STARD9: variants seen among roughly 807,000 people sequenced by gnomAD.
STARD9 encodes StAR related lipid transfer domain containing 9, also known as stAR-related lipid transfer protein 9.
STARD9 carries 346 observed loss-of-function variants against 399.8 expected under a neutral mutation model. The observed-to-expected ratio is 0.87, with a 90% CI of 0.79 to 0.95. The LOEUF is 0.95. STARD9 is among the 40% of genes least tolerant of loss of function. STARD9 has a pLI of 0.00. For missense variants in STARD9, 5,832 were observed against 5,667.5 expected (o/e 1.03, Z -0.93); for synonymous variants, 2,203 against 2,143.5 (o/e 1.03, Z -0.77).
intron 3 of STARD9, among the ~76,000 whole-genome samples, chr15:42,595,073 C>T (rs1006597388): frequency 3.3e-5 from 5 of 152,094 alleles, no homozygotes; most frequent in African/African-American, 1.2e-4. Flanking sequence ...TCTTTTATGC[C>T]TTACTTTTCT....
At chr15:42,587,178 C>T (rs2058293621) in intron 3 of STARD9, among the ~76,000 whole-genome samples, 1 of 152,070 alleles carries the variant, frequency 6.6e-6, no homozygotes, top group Non-Finnish European at 1.5e-5. Context: ...ATAATTATGT[C>T]AAAGGAACAA....
At chr15:42,678,058 C>G (rs1481827805) in intron 20 of STARD9, among the ~76,000 whole-genome samples, 1 of 152,230 alleles carries the variant, frequency 6.6e-6, no homozygotes, top group African/African-American at 2.4e-5. Context: ...ACTGTCTCCA[C>G]TCTTGAGCAC....
chr15:42,677,270 A>C (rs1566926903), intron 20 of STARD9, among the ~76,000 whole-genome samples: 1 of 152,174 alleles, frequency 6.6e-6, no homozygotes, highest in South Asian at 2.1e-4. Flanking sequence ...TCTCAAAAAA[A>C]GAAAAACAAA....
At chr15:42,644,024 A>G (rs1452214190) in intron 7 of STARD9, among the ~76,000 whole-genome samples, 2 of 152,236 alleles carry the variant, frequency 1.3e-5, no homozygotes, top group Admixed American at 6.5e-5. Context: ...CACCTAAAAC[A>G]ACATGTATAC....
intron 5 of STARD9, 31 bp downstream of exon 5, chr15:42,637,970 A>T: frequency 6.5e-7 from 1 of 1,537,304 alleles, no homozygotes; most frequent in African/African-American, 1.4e-5. Context: ...GGATCCTCTC[A>T]AAGTAGGTCT....
chr15:42,702,232 C>T (rs1441185895), intron 26 of STARD9, among the ~76,000 whole-genome samples: 3 of 152,070 alleles, frequency 2.0e-5, no homozygotes, highest in Admixed American at 2.0e-4. Context: ...TAGTCAGAGT[C>T]TTGCTCTGTC....
chr15:42,661,120 C>A (rs773091357), intron 9 of STARD9, 38 bp from the exon 10 acceptor site: 2 of 1,434,454 alleles, frequency 1.4e-6, no homozygotes, highest in East Asian at 2.5e-5. Flanking sequence ...CAATACAAAT[C>A]GTTCCAAATG....
intron 3 of STARD9, among the ~76,000 whole-genome samples, chr15:42,596,073 C>A (rs1268678007): frequency 2.0e-5 from 3 of 152,190 alleles, no homozygotes; most frequent in East Asian, 1.9e-4. Flanking sequence ...CTAGAGAAAT[C>A]TTTTAAAATG....
At chr15:42,662,201 A>G (rs1040961981) in intron 10 of STARD9, among the ~76,000 whole-genome samples, 5 of 152,224 alleles carry the variant, frequency 3.3e-5, no homozygotes, top group African/African-American at 1.2e-4. Context: ...GGGAGCATGA[A>G]TTATAGTTAC....
chr15:42,706,888 CATCT>C (rs1453949506), intron 26 of STARD9, among the ~76,000 whole-genome samples: 1 of 152,044 alleles, frequency 6.6e-6, no homozygotes, highest in Non-Finnish European at 1.5e-5. Context: ...TTCATCCATC[CATCT>C]ATCTATTTTG....
At chr15:42,622,244 G>A (rs2059107243) in intron 3 of STARD9, among the ~76,000 whole-genome samples, 1 of 152,104 alleles carries the variant, frequency 6.6e-6, no homozygotes, top group African/African-American at 2.4e-5. Flanking sequence ...CTGCACTCCA[G>A]CCTGGGAGAC....
chr15:42,697,690 A>G (rs2060873831), intron 26 of STARD9, among the ~76,000 whole-genome samples: 1 of 152,208 alleles, frequency 6.6e-6, no homozygotes, highest in Admixed American at 6.5e-5. Flanking sequence ...TTAAAACACT[A>G]TATGAAATTA....
Position 42,691,240 on chromosome 15 carries a change from G to A in STARD9, c.9662G>A (p.Gly3221Asp). 6.5e-7 allele frequency: 1 copy of A among 1,537,286 alleles called. No homozygotes were observed. The change falls in exon 23 of 33, where the codon GGT (glycine) becomes GAT (aspartate). Residue 3221 changes from glycine (G) to aspartate (D), a missense_variant. This residue lies in a region of STARD9 where 5,828 missense variants were observed against 5,651.1 expected (regional missense o/e 1.03). Coordinates refer to ENST00000290607, the MANE Select transcript of STARD9 (RefSeq NM_020759.3). ...GAGCAGCACAGAGACCAGGCTTCAG[G>A]TGGTGGAGAAGGCTTCGCCCAGGGT... ...EEEQHRDQAS[G>D]GGEGFAQGVN...
intron 3 of STARD9, among the ~76,000 whole-genome samples, chr15:42,625,258 C>G (rs955638528): frequency 1.3e-5 from 2 of 151,670 alleles, no homozygotes; most frequent in African/African-American, 4.8e-5. Context: ...TATTTCTGAT[C>G]TCAAGTGGTC....
intron 30 of STARD9, 47 bp downstream of exon 30, chr15:42,718,226 G>A (rs544112626): frequency 1.3e-6 from 2 of 1,500,024 alleles, no homozygotes; most frequent in Non-Finnish European, 1.8e-6. Context: ...TTTCTGGTGT[G>A]CCCAGTGGGG....
chr15:42,688,773 C>T lies in STARD9; in HGVS notation c.7195C>T (p.Arg2399Cys), dbSNP rs1227651761. The T allele has an allele frequency of 3.9e-6, 6 of 1,537,442 alleles. No homozygotes were observed. The highest frequency in any genetic ancestry group is 1.4e-5 in the African/African-American group (1 of 73,036). ...CAGCCCCGAAGGAAATGTTAGAGGGCGTTCCTCTGAGGCACACACTGCCTG... is the reference window on the plus strand; with the variant it reads ...CAGCCCCGAAGGAAATGTTAGAGGGTGTTCCTCTGAGGCACACACTGCCTG... The part of the protein sequence containing the change: ...SHSPEGNVRG[R>C]SSEAHTAWCG... The change falls in exon 23 of 33, where the codon CGT becomes TGT. Residue 2399 changes from arginine (R) to cysteine (C), a missense_variant. Arg to Cys is a radical substitution (Grantham distance 180, BLOSUM62 -3). This residue lies in a region of STARD9 where 5,828 missense variants were observed against 5,651.1 expected (regional missense o/e 1.03). Transcript: ENST00000290607.
intron 3 of STARD9, among the ~76,000 whole-genome samples, chr15:42,629,282 G>A (rs376439074): frequency 3.7e-4 from 57 of 152,256 alleles, no homozygotes; most frequent in African/African-American, 1.3e-3. Flanking sequence ...GCCTCCTAAA[G>A]TGCTGGGATT....
chr15:42,640,494 G>C (rs1453759211), intron 7 of STARD9, among the ~76,000 whole-genome samples: 2 of 152,182 alleles, frequency 1.3e-5, no homozygotes, highest in African/African-American at 2.4e-5. Flanking sequence ...CAGACCATGA[G>C]TTGATGCAGC....
chr15:42,657,143 C>A (rs985449646), intron 9 of STARD9, among the ~76,000 whole-genome samples: 1 of 151,844 alleles, frequency 6.6e-6, no homozygotes, highest in East Asian at 1.9e-4. Flanking sequence ...GATCGCCTGA[C>A]GTTAGGAGTT....
Sources: gnomAD v4.1 joint callset for allele counts (sites outside exome capture counted in the v4.1 genomes callset) on GRCh38, gnomAD v4.1.1 for gene constraint, gnomAD v4.1.1 regional missense constraint, MANE v1.5 for transcripts, NCBI Gene and HGNC (gene_info 2026-07-23, HGNC 2026-07-21) for gene names.